Variants in DLGAP1 observed in about 807,000 individuals in gnomAD.
The protein encoded by DLGAP1 is DLG associated protein 1.
A neutral mutation model predicts 90.8 loss-of-function variants in DLGAP1; 11 were observed. That is an observed-to-expected ratio of 0.12 (90% CI 0.08 to 0.20). The LOEUF is 0.20. Ranked by LOEUF, DLGAP1 falls within the 10% of genes least tolerant of loss-of-function variation. The pLI is 1.00. For synonymous variants in DLGAP1, 558 were observed against 540.7 expected (o/e 1.03, Z -0.44); for missense variants, 1,050 against 1,333.8 (o/e 0.79, Z 3.31).
intron 7 of DLGAP1, among the ~76,000 whole-genome samples, chr18:3,602,455 C>T (rs1291752117): frequency 3.3e-5 from 5 of 151,572 alleles, no homozygotes; most frequent in African/African-American, 7.3e-5. Context: ...ATTAGCCGGG[C>T]GTGGTGGCGG....
intron 4 of DLGAP1, among the ~76,000 whole-genome samples, chr18:3,858,517 T>C (rs2069811533): frequency 2.1e-5 from 3 of 146,282 alleles, no homozygotes. Flanking sequence ...TATATACACG[T>C]ATATATATAT....
chr18:3,798,032 C>T (rs575969013), intron 5 of DLGAP1, among the ~76,000 whole-genome samples: 1 of 152,270 alleles, frequency 6.6e-6, no homozygotes, highest in South Asian at 2.1e-4. Context: ...TGAGGCCTCC[C>T]CAGCCACATG....
chr18:4,387,012 G>C (rs778798434), intron 1 of DLGAP1, among the ~76,000 whole-genome samples: 1 of 152,118 alleles, frequency 6.6e-6, no homozygotes, highest in South Asian at 2.1e-4. Flanking sequence ...TAAGTCACTC[G>C]CAATGAAACA....
At chr18:3,537,757 C>T (rs2052460342) in intron 9 of DLGAP1, among the ~76,000 whole-genome samples, 2 of 152,222 alleles carry the variant, frequency 1.3e-5, no homozygotes, top group Admixed American at 6.5e-5. Flanking sequence ...TATTTCTCCA[C>T]ATTCTCATCA....
Position 4,211,430 on chromosome 18 carries a change from G to A in DLGAP1, c.-266-60143C>T, listed in dbSNP as rs182624173. On this transcript the variant is annotated intron_variant, in intron 1 of 12. Transcript: ENST00000315677. ...TTAGAAAGGGTTATCAAGGGAGATTGTTTAATTACCATTTTTGGTAGGTCC... is the reference window on the plus strand; with the variant it reads ...TTAGAAAGGGTTATCAAGGGAGATTATTTAATTACCATTTTTGGTAGGTCC... Among the ~76,000 whole-genome samples the A allele has an allele frequency of 5.3e-5, 8 of 152,304 alleles. No individual in the cohort carries two copies. In the East Asian group the frequency reaches 1.4e-3, roughly 26 times the overall value.
chr18:4,019,114 C>T (rs2074568992), intron 2 of DLGAP1, among the ~76,000 whole-genome samples: 1 of 152,174 alleles, frequency 6.6e-6, no homozygotes, highest in Non-Finnish European at 1.5e-5. Context: ...CATTTCTGAG[C>T]ACAGTCTATT....
intron 1 of DLGAP1, among the ~76,000 whole-genome samples, chr18:4,286,042 CAA>C (rs1287154311): frequency 4.6e-5 from 7 of 152,136 alleles, no homozygotes; most frequent in Non-Finnish European, 7.4e-5. Flanking sequence ...ATTTGAAAAA[CAA>C]AGTGTCACTC....
At chr18:3,816,900 T>C (rs2067134761) in intron 4 of DLGAP1, among the ~76,000 whole-genome samples, 1 of 152,354 alleles carries the variant, frequency 6.6e-6, no homozygotes, top group South Asian at 2.1e-4. Context: ...GATACACTTG[T>C]CATTTATTAA....
At chr18:4,042,746 A>C (rs2074994506) in intron 2 of DLGAP1, among the ~76,000 whole-genome samples, 2 of 152,206 alleles carry the variant, frequency 1.3e-5, no homozygotes, top group African/African-American at 4.8e-5. Context: ...TCTCAAAATA[A>C]AATAAAATAA....
chr18:4,396,034 T>C (rs12456026), intron 1 of DLGAP1, among the ~76,000 whole-genome samples: 68,799 of 151,964 alleles, frequency 0.45, 15,854 homozygotes, highest in African/African-American at 0.52. Flanking sequence ...CACTAACAGA[T>C]ATTCTAACTC....
intron 1 of DLGAP1, among the ~76,000 whole-genome samples, chr18:4,217,829 G>T (rs1186051071): frequency 3.3e-5 from 5 of 151,894 alleles, no homozygotes; most frequent in African/African-American, 1.2e-4. Context: ...TATCTTTATT[G>T]TGTCTTTTGG....
intron 4 of DLGAP1, among the ~76,000 whole-genome samples, chr18:3,871,432 A>G (rs933931933): frequency 2.0e-5 from 3 of 152,186 alleles, no homozygotes; most frequent in Non-Finnish European, 4.4e-5. Context: ...TTAATTATGT[A>G]TCTTATGATT....
chr18:4,333,857 C>T (rs1342630903), intron 1 of DLGAP1, among the ~76,000 whole-genome samples: 1 of 151,302 alleles, frequency 6.6e-6, no homozygotes, highest in Non-Finnish European at 1.5e-5. Context: ...GCCTTGGCCT[C>T]CCAAAGTGCC....
At chr18:4,270,911 A>C (rs548038939) in intron 1 of DLGAP1, among the ~76,000 whole-genome samples, 2 of 152,190 alleles carry the variant, frequency 1.3e-5, no homozygotes, top group South Asian at 4.2e-4. Context: ...ATGTCCTTTT[A>C]TTGTTTGATC....
rs35630074 is a variant in DLGAP1 at position 3,834,305 on chromosome 18, C to CAAA, written c.958-20035_958-20033dup. On this transcript the variant is annotated intron_variant, in intron 4 of 12. Transcript: ENST00000315677. Reference sequence around the variant, plus strand: ...TGGGAGATAGAGCAAGACTCTGTCTCAAAAAAAAAAAAAAAAAAAAAAAAA... The same window carrying CAAA: ...TGGGAGATAGAGCAAGACTCTGTCTCAAAAAAAAAAAAAAAAAAAAAAAAAAAA... Among the ~76,000 whole-genome samples the CAAA allele has an allele frequency of 8.6e-3, 285 of 33,094 alleles. 13 individuals carry two copies. The highest frequency in any genetic ancestry group is 0.022 in the African/African-American group (179 of 8,198). 21.7% of individuals were successfully genotyped at this position (33,094 alleles called of 152,430 possible). A position where few individuals can be genotyped will look rare whatever the true frequency, so the allele number is the denominator to read the frequency against.
intron 1 of DLGAP1, among the ~76,000 whole-genome samples, chr18:4,298,916 C>T (rs2080052982): frequency 6.6e-6 from 1 of 151,820 alleles, no homozygotes; most frequent in Non-Finnish European, 1.5e-5. Flanking sequence ...CCCGTCTCTA[C>T]TAAAAATACA....
At chr18:3,616,274 G>C (rs940411649) in intron 7 of DLGAP1, among the ~76,000 whole-genome samples, 1 of 152,182 alleles carries the variant, frequency 6.6e-6, no homozygotes, top group African/African-American at 2.4e-5. Context: ...AAGCCATCCA[G>C]CACGTATTTT....
intron 3 of DLGAP1, among the ~76,000 whole-genome samples, chr18:3,907,497 A>G (rs2071936233): frequency 6.6e-6 from 1 of 152,232 alleles, no homozygotes; most frequent in Non-Finnish European, 1.5e-5. Context: ...AAGCTGGGGA[A>G]GACAGCAAGC....
intron 6 of DLGAP1, among the ~76,000 whole-genome samples, chr18:3,740,692 C>T (rs2062860481): frequency 1.3e-5 from 2 of 152,152 alleles, no homozygotes; most frequent in South Asian, 4.2e-4. Context: ...CAGCACCACA[C>T]CATAGCATCA....
Sources: allele counts gnomAD v4.1 joint callset (sites outside exome capture counted in the v4.1 genomes callset), GRCh38; gene constraint gnomAD v4.1.1; transcripts MANE v1.5; gene names NCBI Gene and HGNC (gene_info 2026-07-23, HGNC 2026-07-21).